The following FCHSD2 variants were observed in gnomAD, a reference collection of about 807,000 sequenced individuals.
The protein encoded by FCHSD2 is F-BAR and double SH3 domains protein 2.
FCHSD2 carries 38 observed loss-of-function variants against 108.1 expected under a neutral mutation model. The ratio of observed to expected loss-of-function variants is 0.35; its 90% CI spans 0.27 to 0.46. The LOEUF (loss-of-function observed/expected upper bound fraction) is 0.46, where lower values mean the gene tolerates loss of function less well. Ranked by LOEUF, FCHSD2 falls within the 20% of genes least tolerant of loss-of-function variation. FCHSD2 has a pLI of 1.00. For synonymous variants in FCHSD2, 279 were observed against 314.7 expected (o/e 0.89, Z 1.20); for missense variants, 751 against 897.8 (o/e 0.84, Z 2.09).
intron 8 of FCHSD2, among the ~76,000 whole-genome samples, chr11:72,957,840 T>C (rs531200165): frequency 1.3e-5 from 2 of 152,164 alleles, no homozygotes; most frequent in African/African-American, 4.8e-5. Context: ...CATAAATATA[T>C]AGTGAGGGAG....
At chr11:72,937,074 G>A (rs566654419) in intron 8 of FCHSD2, among the ~76,000 whole-genome samples, 59 of 152,248 alleles carry the variant, frequency 3.9e-4, no homozygotes, top group Middle Eastern at 3.4e-3. Context: ...ATAGCAAAGA[G>A]GAGTTCTTCC....
intron 9 of FCHSD2, among the ~76,000 whole-genome samples, chr11:72,916,066 T>C (rs1186281253): frequency 6.6e-6 from 1 of 151,794 alleles, no homozygotes; most frequent in East Asian, 1.9e-4. Flanking sequence ...GGGTAGAGGG[T>C]GGAGGGTGGG....
rs1861263407 is a variant in FCHSD2, at chr11:73,142,091, G to A, written c.-214C>T. ...TGAGGAGACGAGGGAGGAGCACCGG[G>A]AAGGCTTGGGGCCCGGGCGGCCCGG... On this transcript the variant is annotated 5_prime_UTR_variant, in exon 1 of 20. Transcript: ENST00000409418. 1 of 490,846 alleles carries A rather than the reference G, an allele frequency of 2.0e-6. No individual in the cohort carries two copies. The highest frequency in any genetic ancestry group is 3.7e-5 in the East Asian group (1 of 26,768). The allele number at this position is 490,846 out of a possible 1,614,324, so 30.4% of individuals were successfully genotyped here.
chr11:72,886,355 T>C (rs140511235), intron 12 of FCHSD2, among the ~76,000 whole-genome samples: 70 of 152,312 alleles, frequency 4.6e-4, no homozygotes, highest in African/African-American at 1.5e-3. Flanking sequence ...GTCTGTGCTA[T>C]CCCCTTTTCT....
At chr11:72,904,656 C>A (rs1432395694) in intron 9 of FCHSD2, among the ~76,000 whole-genome samples, 1 of 152,164 alleles carries the variant, frequency 6.6e-6, no homozygotes, top group African/African-American at 2.4e-5. Flanking sequence ...TAAGTACTTA[C>A]AAAGCAACAA....
intron 4 of FCHSD2, among the ~76,000 whole-genome samples, chr11:73,005,060 C>A (rs1258985647): frequency 6.6e-6 from 1 of 152,162 alleles, no homozygotes; most frequent in Non-Finnish European, 1.5e-5. Flanking sequence ...TGTTACACAA[C>A]CTCTCACTCA....
Position 72,883,061 on chromosome 11 carries a change from C to A in FCHSD2, c.1146+4409G>T, listed in dbSNP as rs190880695. ...GTGCAAAGGTAATGGGAAAAGCATA[C>A]TCTTTAAAATATGATGGTGGAACAA... On this transcript the variant is annotated intron_variant, in intron 12 of 19. Coordinates refer to ENST00000409418, the MANE Select transcript of FCHSD2 (RefSeq NM_014824.3). Among the ~76,000 whole-genome samples, 241 of 152,178 alleles carry A rather than the reference C, an allele frequency of 1.6e-3. 1 individual carries two copies. Among genetic ancestry groups the A allele is most frequent in the South Asian group, 5.0e-3 (24 of 4,814 alleles).
At chr11:72,875,469 G>A (rs1475486969) in intron 12 of FCHSD2, among the ~76,000 whole-genome samples, 1 of 152,124 alleles carries the variant, frequency 6.6e-6, no homozygotes, top group Non-Finnish European at 1.5e-5. Flanking sequence ...GAGCAGTTGG[G>A]ACCAGAAGCA....
chr11:72,969,248 T>C (rs1195613930), intron 8 of FCHSD2, among the ~76,000 whole-genome samples: 3 of 152,258 alleles, frequency 2.0e-5, no homozygotes, highest in African/African-American at 7.2e-5. Context: ...TTCCAATGTT[T>C]ATTATCTTCA....
chr11:73,102,756 AC>A (rs1348568328), intron 2 of FCHSD2, among the ~76,000 whole-genome samples: 1 of 152,154 alleles, frequency 6.6e-6, no homozygotes. Context: ...GAGCTTCCTC[AC>A]CAGATGCTGG....
At chr11:73,030,253 G>C (rs759433817) in intron 3 of FCHSD2, among the ~76,000 whole-genome samples, 1 of 152,082 alleles carries the variant, frequency 6.6e-6, no homozygotes, top group Non-Finnish European at 1.5e-5. Context: ...GACACTTATC[G>C]GAAGATGTGC....
intron 8 of FCHSD2, among the ~76,000 whole-genome samples, chr11:72,979,665 T>G (rs898834236): frequency 6.6e-6 from 1 of 152,230 alleles, no homozygotes; most frequent in Non-Finnish European, 1.5e-5. Flanking sequence ...TATGCCATTT[T>G]CATAAACATA....
Position 73,034,727 on chromosome 11 carries a change from C to T in FCHSD2, c.166-18842G>A, listed in dbSNP as rs138728187. Among the ~76,000 whole-genome samples, 467 of 152,198 alleles carry T rather than the reference C, an allele frequency of 3.1e-3. 1 individual carries two copies. The highest frequency in any genetic ancestry group is 0.011 in the African/African-American group (447 of 41,512). On this transcript the variant is annotated intron_variant, in intron 3 of 19. Coordinates refer to ENST00000409418, the MANE Select transcript of FCHSD2 (RefSeq NM_014824.3). ...CAATAAACTTATTTGCACAAAATGA[C>T]CTGCAAATTTTAAAGTAAAAGTAAA...
chr11:72,897,230 CA>C (rs1855440278), intron 10 of FCHSD2, among the ~76,000 whole-genome samples: 1 of 149,508 alleles, frequency 6.7e-6, no homozygotes, highest in Admixed American at 6.7e-5. Flanking sequence ...AATTTTCAAA[CA>C]AATAAGGTAT....
At chr11:72,867,646 A>G (rs1041015912) in intron 13 of FCHSD2, among the ~76,000 whole-genome samples, 1 of 152,136 alleles carries the variant, frequency 6.6e-6, no homozygotes, top group Non-Finnish European at 1.5e-5. Flanking sequence ...TAGTGATAAC[A>G]TATTCTTCAT....
chr11:73,102,467 C>T (rs1178311401), intron 2 of FCHSD2, among the ~76,000 whole-genome samples: 1 of 152,116 alleles, frequency 6.6e-6, no homozygotes, highest in Non-Finnish European at 1.5e-5. Context: ...TTATAATAGC[C>T]AAAAACTGAA....
chr11:72,975,827 T>C (rs764790433), intron 8 of FCHSD2, among the ~76,000 whole-genome samples: 3 of 152,208 alleles, frequency 2.0e-5, no homozygotes, highest in African/African-American at 4.8e-5. Flanking sequence ...ACTGAAGAAA[T>C]ATTTGTCTAG....
Position 72,837,007 on chromosome 11 carries a change from G to A in FCHSD2, c.*1784C>T, listed in dbSNP as rs1860748632. 6.6e-6 allele frequency: 1 copy of A among 152,284 alleles called. No individual in the cohort carries two copies. Among genetic ancestry groups the A allele is most frequent in the Non-Finnish European group, 1.5e-5 (1 of 68,034 alleles). 9.4% of individuals were successfully genotyped at this position (152,284 alleles called of 1,614,324 possible). Reference sequence around the variant, plus strand: ...CAAAAGATTTCAAATAACCCTTTGAGGTTGTGGAAAACCCAAATTCAAGGA... The same window carrying A: ...CAAAAGATTTCAAATAACCCTTTGAAGTTGTGGAAAACCCAAATTCAAGGA... On this transcript the variant is annotated 3_prime_UTR_variant, in exon 20 of 20. Transcript: ENST00000409418.
At chr11:72,846,085 T>TAGAC (rs1861129815) in intron 14 of FCHSD2, among the ~76,000 whole-genome samples, 2 of 46,648 alleles carry the variant, frequency 4.3e-5, no homozygotes, top group Non-Finnish European at 5.5e-5. Context: ...GATAGATAGA[T>TAGAC]AGATAGATAA....
Sources: allele counts gnomAD v4.1 joint callset (sites outside exome capture counted in the v4.1 genomes callset), GRCh38; gene constraint gnomAD v4.1.1; transcripts MANE v1.5; gene names NCBI Gene and HGNC (gene_info 2026-07-23, HGNC 2026-07-21).